The following TXNRD3 variants were observed in gnomAD, a reference collection of about 807,000 sequenced individuals.
TXNRD3 encodes TXNRD3 neighbor gene protein.
TXNRD3 carries 68 observed loss-of-function variants against 78.2 expected under a neutral mutation model. That is an observed-to-expected ratio of 0.87 (90% CI 0.72 to 1.06). TXNRD3 has a LOEUF of 1.06. Ranked by LOEUF, TXNRD3 falls within the 50% of genes least tolerant of loss-of-function variation. The probability of loss-of-function intolerance (pLI) is 0.00; values close to 1 mark genes in which losing one functional copy is unlikely to be tolerated. For missense variants in TXNRD3, 751 were observed against 809.5 expected (o/e 0.93, Z 0.88); for synonymous variants, 296 against 300.1 (o/e 0.99, Z 0.14).
chr3:126,619,849 G>C (rs1938406147), intron 12 of TXNRD3, among the ~76,000 whole-genome samples: 1 of 152,116 alleles, frequency 6.6e-6, no homozygotes, highest in African/African-American at 2.4e-5. Flanking sequence ...CAATCATTAT[G>C]TGTCAACTAA....
chr3:126,644,223 T>C lies in TXNRD3; in HGVS notation c.519+74A>G, dbSNP rs974999005. The C allele has an allele frequency of 9.2e-6, 13 of 1,414,202 alleles. No individual in the cohort carries two copies. The East Asian group carries it at 3.2e-4, about 35-fold the overall frequency. 87.6% of individuals were successfully genotyped at this position (1,414,202 alleles called of 1,614,324 possible). On this transcript the variant is annotated intron_variant, in intron 4 of 15. Transcript: ENST00000524230. ...TAAACTGTAACATTAGTTTGTTTTTTTTTAAGTAGCAGAAGAAATAGCTAT... is the reference window on the plus strand; with the variant it reads ...TAAACTGTAACATTAGTTTGTTTTTCTTTAAGTAGCAGAAGAAATAGCTAT...
intron 10 of TXNRD3, among the ~76,000 whole-genome samples, chr3:126,627,992 C>G (rs995453506): frequency 3.3e-5 from 5 of 151,996 alleles, no homozygotes; most frequent in African/African-American, 1.2e-4. Flanking sequence ...CCAACATTAC[C>G]AAGTTGGGTT....
At chr3:126,640,514 C>T (rs972880055) in intron 6 of TXNRD3, among the ~76,000 whole-genome samples, 20 of 152,128 alleles carry the variant, frequency 1.3e-4, no homozygotes, top group Non-Finnish European at 2.6e-4. Context: ...ACCTGGATGC[C>T]CTGTCATAAT....
chr3:126,646,383 C>T (rs1933234410), intron 2 of TXNRD3, among the ~76,000 whole-genome samples, 163 bp from the exon 3 acceptor site: 1 of 152,146 alleles, frequency 6.6e-6, no homozygotes, highest in African/African-American at 2.4e-5. Context: ...GGAAAACATC[C>T]TTGCTTTCAA....
intron 11 of TXNRD3, 138 bp downstream of exon 11, chr3:126,622,326 T>A: frequency 1.7e-6 from 1 of 579,038 alleles, no homozygotes; most frequent in Non-Finnish European, 2.9e-6. Context: ...GATGAAGAAA[T>A]TGATTATAAA....
At chr3:126,622,416 A>C (rs1331610666) in intron 11 of TXNRD3, 48 bp downstream of exon 11, 7 of 1,336,520 alleles carry the variant, frequency 5.2e-6, no homozygotes, top group Non-Finnish European at 7.1e-6. Flanking sequence ...GATCTGCAGA[A>C]ACCTGTTGCT....
chr3:126,636,703 C>A (rs1938870422), intron 6 of TXNRD3, among the ~76,000 whole-genome samples: 1 of 152,290 alleles, frequency 6.6e-6, no homozygotes, highest in Middle Eastern at 3.4e-3. Context: ...AGAGTTTGGG[C>A]ACCTCTATGG....
rs951249474 is a variant in TXNRD3 at position 126,654,909 on chromosome 3, C to T, written c.82G>A (p.Ala28Thr). 4.6e-6 allele frequency: 6 copies of T among 1,309,498 alleles called. No homozygotes were observed. In the African/African-American group the frequency reaches 4.6e-5, roughly 10 times the overall value. The allele number at this position is 1,309,498 out of a possible 1,614,324, so 81.1% of individuals were successfully genotyped here. The change falls in exon 1 of 16, where the codon GCG becomes ACG. Residue 28 changes from alanine to threonine, a missense_variant. Coordinates refer to ENST00000524230, the MANE Select transcript of TXNRD3 (RefSeq NM_052883.3). ...CGCCCCGGCGGCGACAACACGCGCG[C>T]CCCTCGGACATGGCCCGAGCGGCGG...
chr3:126,637,253 C>T (rs75414739), intron 6 of TXNRD3, among the ~76,000 whole-genome samples: 2,864 of 152,224 alleles, frequency 0.019, 99 homozygotes, highest in African/African-American at 0.066. Flanking sequence ...TGTGGCATCT[C>T]TCCCCATCTG....
intron 12 of TXNRD3, among the ~76,000 whole-genome samples, chr3:126,619,534 A>T (rs1204199795): frequency 6.6e-6 from 1 of 152,114 alleles, no homozygotes; most frequent in Admixed American, 6.5e-5. Context: ...AGAAAGTAGA[A>T]TTGTGGTTAT....
intron 13 of TXNRD3, among the ~76,000 whole-genome samples, chr3:126,613,120 C>T (rs561385173): frequency 6.6e-6 from 1 of 152,322 alleles, no homozygotes; most frequent in Admixed American, 6.5e-5. Flanking sequence ...TAAAGCTCTG[C>T]TGTGGAAAAC....
intron 10 of TXNRD3, among the ~76,000 whole-genome samples, chr3:126,626,915 A>AC (rs1249047823): frequency 1.3e-5 from 2 of 151,486 alleles, no homozygotes; most frequent in Non-Finnish European, 2.9e-5. Context: ...ACACAGTGAG[A>AC]CCCCAACCGT....
chr3:126,617,281 C>T (rs1196510388), intron 12 of TXNRD3, among the ~76,000 whole-genome samples: 1 of 152,186 alleles, frequency 6.6e-6, no homozygotes, highest in Non-Finnish European at 1.5e-5. Context: ...TCTAATCCCT[C>T]CTCCCCACAG....
intron 1 of TXNRD3, among the ~76,000 whole-genome samples, chr3:126,649,775 A>G (rs781281832): frequency 2.0e-5 from 3 of 152,248 alleles, no homozygotes; most frequent in Non-Finnish European, 4.4e-5. Context: ...CTCAACTCAT[A>G]TGAGGTACCT....
At chr3:126,613,060 T>C (rs772773921) in intron 13 of TXNRD3, among the ~76,000 whole-genome samples, 5 of 152,338 alleles carry the variant, frequency 3.3e-5, no homozygotes, top group Middle Eastern at 3.4e-3. Flanking sequence ...CCTCATTAAA[T>C]TACTCTTGAA....
At chr3:126,608,433 G>A (rs1357066900) in intron 15 of TXNRD3, 66 bp downstream of exon 15, 1 of 1,418,296 alleles carries the variant, frequency 7.1e-7, no homozygotes. Context: ...TTTCTGACAA[G>A]TGCTTTATAA....
chr3:126,618,368 C>T (rs1240934957), intron 12 of TXNRD3, among the ~76,000 whole-genome samples: 1 of 152,058 alleles, frequency 6.6e-6, no homozygotes, highest in Non-Finnish European at 1.5e-5. Context: ...AATATGAAAA[C>T]AGACACATAG....
intron 6 of TXNRD3, among the ~76,000 whole-genome samples, chr3:126,634,591 A>C (rs1167059262): frequency 6.6e-6 from 1 of 152,054 alleles, no homozygotes; most frequent in Non-Finnish European, 1.5e-5. Context: ...TACAGTGTTT[A>C]CCCATTCCTT....
At position 126,607,987 on chromosome 3, in the gene TXNRD3, A is replaced by T; in HGVS notation, c.1864-14T>A. The stretch of plus-strand genomic sequence containing the variant: ...AGTCGTGAACACCTGTTCAAGAGAA[A>T]GAAAACAAATACATATTTAGATGTT... On this transcript the variant is annotated splice_polypyrimidine_tract_variant and intron_variant, in intron 15 of 15. Transcript: ENST00000524230. The T allele has an allele frequency of 6.7e-7, 1 of 1,482,694 alleles. No homozygotes were observed. The highest frequency in any genetic ancestry group is 9.0e-7 in the Non-Finnish European group (1 of 1,109,892). 91.8% of individuals were successfully genotyped at this position (1,482,694 alleles called of 1,614,324 possible). A position where few individuals can be genotyped will look rare whatever the true frequency, so the allele number is the denominator to read the frequency against.
Sources: gnomAD v4.1 joint callset for allele counts (sites outside exome capture counted in the v4.1 genomes callset) on GRCh38, gnomAD v4.1.1 for gene constraint, MANE v1.5 for transcripts, NCBI Gene and HGNC (gene_info 2026-07-23, HGNC 2026-07-21) for gene names.